RBBP4: variants seen among roughly 807,000 people sequenced by gnomAD.
RBBP4 encodes the protein RB binding protein 4, chromatin remodeling factor.
RBBP4 carries 3 observed loss-of-function variants against 57.2 expected under a neutral mutation model. That is an observed-to-expected ratio of 0.05 (90% CI 0.02 to 0.14). RBBP4 has a LOEUF of 0.14. Ranked by LOEUF, RBBP4 falls within the 10% of genes least tolerant of loss-of-function variation. RBBP4 has a pLI of 1.00. For missense variants in RBBP4, 107 were observed against 520.6 expected, an observed-to-expected ratio of 0.21 and a Z score of 7.73; for synonymous variants, 151 against 171.5, an observed-to-expected ratio of 0.88 and a Z score of 0.93.
intron 11 of RBBP4, among the ~76,000 whole-genome samples, chr1:32,674,023 C>G (rs1648991196): frequency 6.6e-6 from 1 of 152,094 alleles, no homozygotes; most frequent in Admixed American, 6.5e-5. Context: ...ATGGCGTGAA[C>G]ACGGGAGGCG....
At chr1:32,658,491 T>C (rs1187477815) in intron 3 of RBBP4, among the ~76,000 whole-genome samples, 1 of 151,912 alleles carries the variant, frequency 6.6e-6, no homozygotes, top group East Asian at 1.9e-4. Context: ...TTTAATTATA[T>C]CCTGTTTTTA....
rs1648283397 is a variant in RBBP4, at chr1:32,659,077, A to G, written c.310+1505A>G. ...TAAATATATAAATTATATATGTAAA[A>G]CTACATGTGTATATATTTATATTGT... On this transcript the variant is annotated intron_variant, in intron 3 of 11. Coordinates refer to ENST00000373493, the MANE Select transcript of RBBP4 (RefSeq NM_005610.3). Among the ~76,000 whole-genome samples, 3 of 147,428 alleles carry G rather than the reference A, an allele frequency of 2.0e-5. No homozygotes were observed. In the South Asian group the frequency reaches 6.3e-4, roughly 31 times the overall value.
intron 2 of RBBP4, among the ~76,000 whole-genome samples, chr1:32,655,459 T>A (rs1648098345): frequency 6.6e-6 from 1 of 152,248 alleles, no homozygotes; most frequent in Non-Finnish European, 1.5e-5. Flanking sequence ...CTGGTTCTTG[T>A]CTAACCTTCT....
chr1:32,652,182 C>T, intron 2 of RBBP4, 121 bp downstream of exon 2: 1 of 1,210,162 alleles, frequency 8.3e-7, no homozygotes, highest in Non-Finnish European at 1.1e-6. Context: ...CTCTTGGTGA[C>T]ATTTTTTCTA....
intron 3 of RBBP4, among the ~76,000 whole-genome samples, chr1:32,662,066 A>G (rs1226093499): frequency 2.8e-5 from 4 of 144,248 alleles, no homozygotes. Context: ...TTGTGGTTGT[A>G]GTAGAGATGA....
In RBBP4 at chr1:32,681,834, AT is replaced by A; in HGVS notation, c.*2132del. 6.2e-7 allele frequency: 1 copy of A among 1,614,154 alleles called. No homozygotes were observed. The highest frequency in any genetic ancestry group is 8.5e-7 in the Non-Finnish European group (1 of 1,180,028). On this transcript the variant is annotated 3_prime_UTR_variant, in exon 12 of 12. Coordinates refer to ENST00000373493, the MANE Select transcript of RBBP4 (RefSeq NM_005610.3). Reference sequence around the variant, plus strand: ...GTTTTTTGCTGTTTCCGGGTTACAGATTTGGCCATATATTTCTAAACAGCCC... The same window carrying A: ...GTTTTTTGCTGTTTCCGGGTTACAGATTGGCCATATATTTCTAAACAGCCC...
Position 32,651,254 on chromosome 1 carries a change from C to G in RBBP4, c.-53C>G. On this transcript the variant is annotated 5_prime_UTR_variant, in exon 1 of 12. Coordinates refer to ENST00000373493, the MANE Select transcript of RBBP4 (RefSeq NM_005610.3). ...CACAGAGCGAGCTCTTGCAGCCTCC[C>G]CGCCCCTCCCGCAACGCTCGACCCC... 1 of 1,506,394 alleles carries G rather than the reference C, an allele frequency of 6.6e-7. No homozygotes were observed. The highest frequency in any genetic ancestry group is 8.9e-7 in the Non-Finnish European group (1 of 1,127,700). 93.3% of individuals were successfully genotyped at this position (1,506,394 alleles called of 1,614,324 possible). A position where few individuals can be genotyped will look rare whatever the true frequency, so the allele number is the denominator to read the frequency against.
chr1:32,661,318 G>A (rs1474500223), intron 3 of RBBP4, among the ~76,000 whole-genome samples: 1 of 17,694 alleles, frequency 5.7e-5, no homozygotes, highest in African/African-American at 1.2e-4. Context: ...TTTTTTTTTT[G>A]AGATGGAGTG....
intron 1 of RBBP4, chr1:32,651,544 G>A: frequency 1.6e-6 from 2 of 1,239,328 alleles, no homozygotes; most frequent in Non-Finnish European, 2.1e-6. Context: ...CCCCCGGCCA[G>A]TGTTTGTTTC....
intron 11 of RBBP4, among the ~76,000 whole-genome samples, chr1:32,674,841 C>T (rs888098024): frequency 1.3e-5 from 2 of 151,856 alleles, no homozygotes; most frequent in Admixed American, 1.3e-4. Context: ...AATTCTCCTG[C>T]CTCAGCCTGC....
Position 32,683,950 on chromosome 1 carries a change from T to C in RBBP4, c.*4245T>C. 1.3e-6 allele frequency: 2 copies of C among 1,542,328 alleles called. No individual in the cohort carries two copies. The highest frequency in any genetic ancestry group is 2.2e-5 in the East Asian group (1 of 44,508). ...GTCCGGCCTGTTTTTAAGGCATTAA[T>C]TAGTATTGTTAGGAAAGCAGTAACA... On this transcript the variant is annotated 3_prime_UTR_variant, in exon 12 of 12. Coordinates refer to ENST00000373493, the MANE Select transcript of RBBP4 (RefSeq NM_005610.3).
At chr1:32,678,312 C>T (rs987936838) in intron 11 of RBBP4, among the ~76,000 whole-genome samples, 10 of 151,450 alleles carry the variant, frequency 6.6e-5, no homozygotes, top group South Asian at 2.1e-4. Context: ...CTGCAACCTC[C>T]GCCTCCTGGG....
At chr1:32,679,163 G>T (rs1649265149) in intron 11 of RBBP4, among the ~76,000 whole-genome samples, 1 of 152,220 alleles carries the variant, frequency 6.6e-6, no homozygotes, top group Admixed American at 6.5e-5. Context: ...CAGGCGTAGT[G>T]GCATGTGCCT....
chr1:32,661,257 C>T (rs542894581), intron 3 of RBBP4, among the ~76,000 whole-genome samples: 4 of 150,760 alleles, frequency 2.7e-5, no homozygotes, highest in East Asian at 3.9e-4. Context: ...GGTATATTCC[C>T]GGTAATGGGA....
intron 3 of RBBP4, among the ~76,000 whole-genome samples, chr1:32,659,606 T>C (rs911723220): frequency 2.0e-5 from 3 of 152,028 alleles, no homozygotes; most frequent in African/African-American, 7.2e-5. Flanking sequence ...GGATATCACT[T>C]AAATGGATGT....
chr1:32,655,089 A>G (rs1235354200), intron 2 of RBBP4, among the ~76,000 whole-genome samples: 2 of 152,134 alleles, frequency 1.3e-5, no homozygotes, highest in Non-Finnish European at 2.9e-5. Flanking sequence ...TCCTGGGCCA[A>G]GGAATCCTCC....
intron 11 of RBBP4, among the ~76,000 whole-genome samples, chr1:32,674,758 C>T (rs919681985): frequency 1.3e-5 from 2 of 149,584 alleles, no homozygotes; most frequent in Admixed American, 1.3e-4. Flanking sequence ...GACAGAGTCT[C>T]ACTGCCTCAC....
At chr1:32,652,733 C>T (rs183071233) in intron 2 of RBBP4, among the ~76,000 whole-genome samples, 1 of 152,084 alleles carries the variant, frequency 6.6e-6, no homozygotes, top group African/African-American at 2.4e-5. Context: ...TTAGTAGAGA[C>T]GGGGTTTTAC....
rs1648783022 is a variant in RBBP4 at position 32,669,570 on chromosome 1, GAAAC to G, written c.966+8_966+11del. 6.3e-7 allele frequency: 1 copy of G among 1,590,806 alleles called. No homozygotes were observed. Reference sequence around the variant, plus strand: ...TAAGGATGAAATATTCCAGGTAAGAGAAACTAATGCTACTATTTTGTTTGTTTTA... The same window carrying G: ...TAAGGATGAAATATTCCAGGTAAGAGTAATGCTACTATTTTGTTTGTTTTA... On this transcript the variant is annotated splice_region_variant and intron_variant, in intron 8 of 11. Transcript: ENST00000373493. This position sits in a 1 kb window ranked among gnomAD's most constrained non-coding sequence, Gnocchi z 4.9.
Sources: allele counts gnomAD v4.1 joint callset (sites outside exome capture counted in the v4.1 genomes callset), GRCh38; gene constraint gnomAD v4.1.1; non-coding constraint Gnocchi (gnomAD v3.1); transcripts MANE v1.5; gene names NCBI Gene and HGNC (gene_info 2026-07-23, HGNC 2026-07-21).